The following PCSK2 variants were observed in gnomAD, a reference collection of about 807,000 sequenced individuals.
PCSK2 encodes proprotein convertase subtilisin/kexin type 2, also known as neuroendocrine convertase 2.
In PCSK2, 14 loss-of-function variants were observed where a neutral mutation model predicts 69.7. The ratio of observed to expected loss-of-function variants is 0.20; its 90% CI spans 0.13 to 0.31. The LOEUF is 0.31. Ranked by LOEUF, PCSK2 falls within the 10% of genes least tolerant of loss-of-function variation. The probability of loss-of-function intolerance (pLI) is 1.00; values close to 1 mark genes in which losing one functional copy is unlikely to be tolerated. For synonymous variants in PCSK2, 307 were observed against 320.7 expected (o/e 0.96, Z 0.46); for missense variants, 544 against 842.5 (o/e 0.65, Z 4.39).
chr20:17,329,119 T>C (rs1376489222), intron 2 of PCSK2, among the ~76,000 whole-genome samples: 1 of 152,230 alleles, frequency 6.6e-6, no homozygotes. Context: ...AAACAAACCA[T>C]TATTCTTCCT....
intron 4 of PCSK2, among the ~76,000 whole-genome samples, chr20:17,365,848 G>A (rs1296154699): frequency 6.6e-6 from 1 of 152,208 alleles, no homozygotes; most frequent in African/African-American, 2.4e-5. Flanking sequence ...TGGACACACT[G>A]GGGTGGGAGC....
intron 6 of PCSK2, among the ~76,000 whole-genome samples, chr20:17,426,864 C>T (rs1233184172): frequency 5.3e-5 from 8 of 152,248 alleles, no homozygotes; most frequent in Non-Finnish European, 1.5e-5. Context: ...ATGTGAGTCT[C>T]ATCCAAAATA....
At chr20:17,286,060 G>A (rs750963494) in intron 2 of PCSK2, among the ~76,000 whole-genome samples, 1 of 152,176 alleles carries the variant, frequency 6.6e-6, no homozygotes, top group Admixed American at 6.5e-5. Context: ...ATGCATAAAT[G>A]TAAGGCAGAA....
intron 2 of PCSK2, among the ~76,000 whole-genome samples, chr20:17,336,106 A>C (rs563322010): frequency 1.6e-4 from 25 of 152,308 alleles, no homozygotes; most frequent in African/African-American, 5.5e-4. Flanking sequence ...ATGTTTTAAC[A>C]CTGTCACAAT....
intron 8 of PCSK2, among the ~76,000 whole-genome samples, chr20:17,452,870 C>A (rs992030749): frequency 2.0e-5 from 3 of 152,210 alleles, no homozygotes; most frequent in African/African-American, 7.2e-5. Flanking sequence ...TTTTTAAGAA[C>A]CTCTAAGAAC....
chr20:17,324,275 A>C (rs56294046), intron 2 of PCSK2, among the ~76,000 whole-genome samples: 1 of 151,960 alleles, frequency 6.6e-6, no homozygotes, highest in Non-Finnish European at 1.5e-5. Flanking sequence ...ACTGGCTCCA[A>C]TCTGACAGTC....
chr20:17,330,463 G>A (rs1388861834), intron 2 of PCSK2, among the ~76,000 whole-genome samples: 3 of 151,868 alleles, frequency 2.0e-5, no homozygotes, highest in Admixed American at 6.6e-5. Flanking sequence ...GCATGGTGGC[G>A]CGTGTCTTTA....
chr20:17,439,391 G>A lies in PCSK2; in HGVS notation c.885+2508G>A, dbSNP rs189917076. On this transcript the variant is annotated intron_variant, in intron 8 of 11. Coordinates refer to ENST00000262545, the MANE Select transcript of PCSK2 (RefSeq NM_002594.5). ...CCTCCCACCTTGGCCTCCCGAGGTGGGATTACAAGCATGCACCACTGCACC... is the reference window on the plus strand; with the variant it reads ...CCTCCCACCTTGGCCTCCCGAGGTGAGATTACAAGCATGCACCACTGCACC... Among the ~76,000 whole-genome samples the A allele has an allele frequency of 3.9e-5, 6 of 152,134 alleles. No individual in the cohort carries two copies. In the East Asian group the frequency reaches 1.2e-3, roughly 30 times the overall value.
At chr20:17,474,250 G>C (rs145646996) in intron 11 of PCSK2, among the ~76,000 whole-genome samples, 5 of 152,150 alleles carry the variant, frequency 3.3e-5, no homozygotes, top group African/African-American at 1.2e-4. Context: ...GCTGAAATAA[G>C]AATACATAAA....
chr20:17,429,567 C>A, intron 7 of PCSK2, 44 bp downstream of exon 7: 1 of 1,307,194 alleles, frequency 7.6e-7, no homozygotes, highest in Non-Finnish European at 1.1e-6. Context: ...AGGTATCACA[C>A]TGATCTCAAG....
At chr20:17,481,073 G>T (rs986099363) in intron 11 of PCSK2, among the ~76,000 whole-genome samples, 3 of 152,226 alleles carry the variant, frequency 2.0e-5, no homozygotes, top group East Asian at 1.9e-4. Context: ...CACACAGAAG[G>T]TTCCAAGCGT....
At chr20:17,363,295 A>G (rs1339162004) in intron 4 of PCSK2, among the ~76,000 whole-genome samples, 2 of 152,208 alleles carry the variant, frequency 1.3e-5, no homozygotes, top group African/African-American at 4.8e-5. Context: ...GACTCAATGG[A>G]TGCTCAATAA....
chr20:17,417,494 G>A (rs1480810502), intron 6 of PCSK2, among the ~76,000 whole-genome samples: 8 of 152,276 alleles, frequency 5.3e-5, no homozygotes, highest in African/African-American at 1.2e-4. Flanking sequence ...AGATCCTCAC[G>A]CACTATGGCT....
At chr20:17,333,440 C>A (rs911251125) in intron 2 of PCSK2, among the ~76,000 whole-genome samples, 1 of 152,140 alleles carries the variant, frequency 6.6e-6, no homozygotes, top group African/African-American at 2.4e-5. Context: ...TGGAGCATAA[C>A]TTTCCTCCCT....
chr20:17,248,500 C>T (rs2122969473), intron 1 of PCSK2, among the ~76,000 whole-genome samples: 1 of 152,252 alleles, frequency 6.6e-6, no homozygotes, highest in South Asian at 2.1e-4. Context: ...TAAGCAGCTG[C>T]TTCTCAGATG....
intron 1 of PCSK2, among the ~76,000 whole-genome samples, chr20:17,234,894 ACT>A (rs1409948712): frequency 6.6e-6 from 1 of 152,150 alleles, no homozygotes; most frequent in Non-Finnish European, 1.5e-5. Flanking sequence ...TCAAAAAGAA[ACT>A]CTGTGCTGAA....
At chr20:17,327,993 T>G (rs1990112008) in intron 2 of PCSK2, among the ~76,000 whole-genome samples, 1 of 152,198 alleles carries the variant, frequency 6.6e-6, no homozygotes, top group African/African-American at 2.4e-5. Context: ...CTGTGTTTGT[T>G]GAATCCTGAG....
At chr20:17,402,660 C>CAAAAA (rs35767841) in intron 5 of PCSK2, among the ~76,000 whole-genome samples, 1 of 113,070 alleles carries the variant, frequency 8.8e-6, no homozygotes, top group African/African-American at 3.5e-5. Context: ...GACTCTGTCT[C>CAAAAA]AAAAAAAAAA....
chr20:17,351,449 A>G (rs1012645409), intron 2 of PCSK2, among the ~76,000 whole-genome samples: 1 of 152,214 alleles, frequency 6.6e-6, no homozygotes, highest in Non-Finnish European at 1.5e-5. Context: ...AAAAATTCTC[A>G]ACAAAATACT....
Sources: gnomAD v4.1 joint callset for allele counts (sites outside exome capture counted in the v4.1 genomes callset) on GRCh38, gnomAD v4.1.1 for gene constraint, MANE v1.5 for transcripts, NCBI Gene and HGNC (gene_info 2026-07-23, HGNC 2026-07-21) for gene names.